SBF1: variants seen among roughly 807,000 people sequenced by gnomAD.
SBF1 encodes the protein myotubularin-related protein 5.
Under a neutral mutation model 215.8 loss-of-function variants are expected in SBF1, and 65 were observed. The observed-to-expected ratio is 0.30, with a 90% CI of 0.25 to 0.37. SBF1 has a LOEUF of 0.37. Among genes scored for constraint, SBF1 ranks in the 10% least tolerant of loss-of-function variants. The pLI is 1.00. For missense variants in SBF1, 2,634 were observed against 2,667.8 expected, an observed-to-expected ratio of 0.99 and a Z score of 0.28; for synonymous variants, 1,410 against 1,122.8, an observed-to-expected ratio of 1.26 and a Z score of -5.11.
At chr22:50,450,291 C>T (rs564976648) in intron 36 of SBF1, among the ~76,000 whole-genome samples, 1 of 151,978 alleles carries the variant, frequency 6.6e-6, no homozygotes, top group Non-Finnish European at 1.5e-5. Flanking sequence ...GAGGCCAATG[C>T]GGGTGGATAA....
chr22:50,454,884 T>C lies in SBF1; in HGVS notation c.4742A>G (p.Glu1581Gly). The part of the protein sequence containing the change: ...RGQVPCRSVW[E>G]YVDRLSKRTP... Reference sequence around the variant, plus strand: ...CCTCTTGCTCAGCCGGTCCACATACTCCCACACAGACCTGCACGGCACCTG... The same window carrying C: ...CCTCTTGCTCAGCCGGTCCACATACCCCCACACAGACCTGCACGGCACCTG... Residue 1581 changes from glutamate (E) to glycine (G), a missense_variant, in exon 35 of 41, where the codon GAG becomes GGG. Transcript: ENST00000380817. 1 of 1,614,040 alleles carries C rather than the reference T, an allele frequency of 6.2e-7. No homozygotes were observed.
intron 36 of SBF1, among the ~76,000 whole-genome samples, chr22:50,449,875 G>A (rs952311166): frequency 1.3e-5 from 2 of 152,184 alleles, no homozygotes; most frequent in Non-Finnish European, 2.9e-5. Context: ...GACAAGAAGG[G>A]GAAGCCGTTG....
intron 1 of SBF1, 127 bp downstream of exon 1, chr22:50,474,659 T>C: frequency 4.6e-6 from 2 of 431,766 alleles, no homozygotes; most frequent in Non-Finnish European, 6.5e-6. Context: ...CCCTCAGTCC[T>C]CGGCCTCCCG....
At position 50,468,376 on chromosome 22, in the gene SBF1, C is replaced by A; in HGVS notation, c.141G>T (p.Leu47=). ...CCGTCTCAGCACGCCCCCAACTCAC[C>A]AGCTCGATGCCCTGGGGGAATGGGT... ...EDNPFPQGIE[L]FCQPSGWQLC... Residue 47 remains leucine, a splice_region_variant and synonymous_variant, in exon 2 of 41, where the codon CTG becomes CTT. Transcript: ENST00000380817. The A allele has an allele frequency of 1.2e-6, 2 of 1,612,824 alleles. No individual in the cohort carries two copies. Among genetic ancestry groups the A allele is most frequent in the South Asian group, 1.1e-5 (1 of 90,974 alleles).
intron 1 of SBF1, among the ~76,000 whole-genome samples, chr22:50,469,278 T>C (rs1156732341): frequency 6.6e-6 from 1 of 152,236 alleles, no homozygotes; most frequent in African/African-American, 2.4e-5. Flanking sequence ...GGATGGGTGC[T>C]GAGCACAGCC....
At position 50,465,034 on chromosome 22, in the gene SBF1, C is replaced by G. The variant is rs377074208; in HGVS notation, c.1299G>C (p.Gly433=). ...ACAGGTCCGTAGGGCGGTATGGGAC[C>G]CCACGCTCTGACACAAAGCCAGCAA... is the stretch of plus-strand genomic sequence containing the variant. ...MAFAGFVSER[G]VPYRPTDLFD... The change falls in exon 12 of 41, where the codon GGG becomes GGC. Residue 433 remains glycine, a synonymous_variant. Coordinates refer to ENST00000380817, the MANE Select transcript of SBF1 (RefSeq NM_002972.4). The G allele has an allele frequency of 2.9e-5, 46 of 1,613,916 alleles. No homozygotes were observed. Among genetic ancestry groups the G allele is most frequent in the African/African-American group, 2.7e-5 (2 of 74,898 alleles).
At chr22:50,456,143 C>T in intron 31 of SBF1, 73 bp downstream of exon 31, 11 of 1,490,026 alleles carry the variant, frequency 7.4e-6, no homozygotes, top group South Asian at 1.2e-5. Flanking sequence ...CAAACCTAGA[C>T]CCGTCCACTT....
In SBF1 at chr22:50,467,294, G is replaced by A. The variant is rs763654142; in HGVS notation, c.549+44C>T. The A allele has an allele frequency of 1.4e-4, 216 of 1,524,718 alleles. 1 individual carries two copies. Among genetic ancestry groups the A allele is most frequent in the Non-Finnish European group, 4.3e-5 (47 of 1,103,924 alleles). The allele number at this position is 1,524,718 out of a possible 1,614,324, so 94.4% of individuals were successfully genotyped here. A position where few individuals can be genotyped will look rare whatever the true frequency, so the allele number is the denominator to read the frequency against. On this transcript the variant is annotated intron_variant, in intron 5 of 40. Transcript: ENST00000380817. Reference sequence around the variant, plus strand: ...CAAATACCTACCAGGGCCCCAGCAGGAGGGCCTGTGGCTGTGCAGATACCA... The same window carrying A: ...CAAATACCTACCAGGGCCCCAGCAGAAGGGCCTGTGGCTGTGCAGATACCA...
In SBF1 at chr22:50,462,256, C is replaced by T. The variant is rs199791079; in HGVS notation, c.2345G>A (p.Arg782His). Residue 782 changes from arginine (R) to histidine (H), a missense_variant, in exon 19 of 41, where the codon CGT becomes CAT. Arg to His is a conservative substitution (Grantham distance 29). Transcript: ENST00000380817. ...GCTCTCCAGGTCGCCCAGCCCGGCA[C>T]GCTCCCGAAGTAGGCGGCTCTTGCT... Reference protein sequence around the residue: ...DSSKSRLLRERAGLGDLESAS... With the variant: ...DSSKSRLLREHAGLGDLESAS... The T allele has an allele frequency of 2.4e-5, 38 of 1,610,446 alleles. No homozygotes were observed. Among genetic ancestry groups the T allele is most frequent in the Non-Finnish European group, 3.0e-5 (35 of 1,179,978 alleles).
chr22:50,464,181 C>CT, intron 15 of SBF1, 148 bp downstream of exon 15: 1 of 667,820 alleles, frequency 1.5e-6, no homozygotes, highest in East Asian at 2.8e-5. Context: ...TGGAGCCCAC[C>CT]TACCCTCCGG....
At chr22:50,468,182 T>C (rs547627136) in intron 2 of SBF1, among the ~76,000 whole-genome samples, 194 bp downstream of exon 2, 3 of 152,284 alleles carry the variant, frequency 2.0e-5, no homozygotes, top group African/African-American at 4.8e-5. Context: ...AGTGACAACA[T>C]GACACAGTGA....
At chr22:50,452,208 G>C (rs2067074439) in intron 36 of SBF1, among the ~76,000 whole-genome samples, 3 of 150,688 alleles carry the variant, frequency 2.0e-5, no homozygotes. Context: ...AATGCCCTTT[G>C]CAAAATAAAG....
rs1464773031 is a variant in SBF1 at position 50,447,087 on chromosome 22, AC to A, written c.*54del. The stretch of plus-strand genomic sequence containing the variant: ...AAACATGGCCGGGGCGGCCCTGCCC[AC>A]CCCTAGTGGTCGGTAACGACCGGAA... On this transcript the variant is annotated 3_prime_UTR_variant, in exon 41 of 41. Transcript: ENST00000380817. The A allele has an allele frequency of 4.0e-6, 6 of 1,498,356 alleles. No individual in the cohort carries two copies. In the Admixed American group the frequency reaches 1.1e-4, roughly 28 times the overall value. The allele number at this position is 1,498,356 out of a possible 1,614,324, so 92.8% of individuals were successfully genotyped here.
rs746975354 is a variant in SBF1 at position 50,466,007 on chromosome 22, G to C, written c.965C>G (p.Pro322Arg). The C allele has an allele frequency of 3.7e-6, 6 of 1,613,852 alleles. No homozygotes were observed. Among genetic ancestry groups the C allele is most frequent in the Non-Finnish European group, 5.1e-6 (6 of 1,180,040 alleles). The change falls in exon 9 of 41, where the codon CCC becomes CGC. Residue 322 changes from proline to arginine, a missense_variant. Coordinates refer to ENST00000380817, the MANE Select transcript of SBF1 (RefSeq NM_002972.4). ...VTIPECVHIP[P>R]LPEPLQSQTH... ...CTGACTCTGCAGTGGCTCTGGCAAG[G>C]GTGGAATGTGCACACACTCAGGAAT...
rs1427183372 is a variant in SBF1, at chr22:50,445,324, C to G, written c.*1818G>C. 1 of 152,496 alleles carries G rather than the reference C, an allele frequency of 6.6e-6. No homozygotes were observed. The allele number at this position is 152,496 out of a possible 1,614,324, so 9.4% of individuals were successfully genotyped here. On this transcript the variant is annotated 3_prime_UTR_variant, in exon 41 of 41. Transcript: ENST00000380817. ...GCCTAACGCTCAAACACATCAACCCCAGGACTTCCTTTTGTGCCAGCTCCC... is the reference window on the plus strand; with the variant it reads ...GCCTAACGCTCAAACACATCAACCCGAGGACTTCCTTTTGTGCCAGCTCCC...
In SBF1 at chr22:50,460,415, CCCA is replaced by C. The variant is rs2067455665; in HGVS notation, c.3147-10_3147-8del. ...CAGGTTCCGGGACAGGGTTCTGAGG[CCCA>C]CGAGAGTCAGCAAAGGTGAGAGGAG... On this transcript the variant is annotated splice_polypyrimidine_tract_variant and splice_region_variant and intron_variant, in intron 24 of 40. Coordinates refer to ENST00000380817, the MANE Select transcript of SBF1 (RefSeq NM_002972.4). 2.5e-6 allele frequency: 4 copies of C among 1,607,122 alleles called. No homozygotes were observed. The highest frequency in any genetic ancestry group is 2.2e-5 in the East Asian group (1 of 44,770).
intron 36 of SBF1, among the ~76,000 whole-genome samples, chr22:50,450,812 A>C (rs1298030578): frequency 2.0e-5 from 3 of 152,182 alleles, no homozygotes; most frequent in African/African-American, 7.2e-5. Flanking sequence ...CTAAGCTTAA[A>C]GAAAGACAAC....
chr22:50,463,905 T>C (rs1049721359), intron 15 of SBF1, among the ~76,000 whole-genome samples: 1 of 152,090 alleles, frequency 6.6e-6, no homozygotes, highest in African/African-American at 2.4e-5. Flanking sequence ...AGGCGTTAAG[T>C]GAGCACCACA....
In SBF1 at chr22:50,456,089, T is replaced by C. The variant is rs191610930; in HGVS notation, c.4266+127A>G. The C allele has an allele frequency of 1.9e-3, 1,915 of 1,018,470 alleles. 6 individuals are homozygous for C. Among genetic ancestry groups the C allele is most frequent in the Admixed American group, 3.0e-3 (104 of 34,700 alleles). 63.1% of individuals were successfully genotyped at this position (1,018,470 alleles called of 1,614,324 possible). A position where few individuals can be genotyped will look rare whatever the true frequency, so the allele number is the denominator to read the frequency against. On this transcript the variant is annotated intron_variant, in intron 31 of 40. Transcript: ENST00000380817. Reference sequence around the variant, plus strand: ...TAGGCACCAGAGCCTGGGTGGGAAGTGGCTGTCACCTCCTCCTTCCAGCGC... The same window carrying C: ...TAGGCACCAGAGCCTGGGTGGGAAGCGGCTGTCACCTCCTCCTTCCAGCGC...
Sources: gnomAD v4.1 joint callset for allele counts (sites outside exome capture counted in the v4.1 genomes callset) on GRCh38, gnomAD v4.1.1 for gene constraint, MANE v1.5 for transcripts, NCBI Gene and HGNC (gene_info 2026-07-23, HGNC 2026-07-21) for gene names.